Variants in CYRIA observed in about 807,000 individuals in gnomAD.
CYRIA encodes CYFIP related Rac1 interactor A.
CYRIA carries 15 observed loss-of-function variants against 43.9 expected under a neutral mutation model. That is an observed-to-expected ratio of 0.34 (90% confidence interval 0.23 to 0.53). The LOEUF (loss-of-function observed/expected upper bound fraction) is 0.53. Among genes scored for constraint, CYRIA ranks in the 20% least tolerant of loss-of-function variants. CYRIA has a pLI of 0.94. For synonymous variants in CYRIA, 117 were observed against 136.0 expected (o/e 0.86, Z 0.97); for missense variants, 236 against 394.2 (o/e 0.60, Z 3.40).
chr2:16,582,474 CCCCAAAAAGACGTTGTG>C (rs1667584219), intron 3 of CYRIA, among the ~76,000 whole-genome samples: 1 of 152,098 alleles, frequency 6.6e-6, no homozygotes, highest in African/African-American at 2.4e-5. Flanking sequence ...TTCATTAACA[CCCCAAAAAGACGTTGTG>C]CCCATTAGCA....
At chr2:16,575,793 T>G (rs1413068774) in intron 3 of CYRIA, among the ~76,000 whole-genome samples, 4 of 151,630 alleles carry the variant, frequency 2.6e-5, no homozygotes, top group African/African-American at 9.7e-5. Flanking sequence ...GAGGCGGAGC[T>G]TGCAGTGAGC....
rs1423342099 is a variant in CYRIA at position 16,563,282 on chromosome 2, A to G, written c.298+707T>C. On this transcript the variant is annotated intron_variant, in intron 5 of 11. Coordinates refer to ENST00000381323, the MANE Select transcript of CYRIA (RefSeq NM_030797.4). ...GAAAACGGGTTTGGTTCATTCAAGT[A>G]CTTCCCTTCGTCTCAGCTTCTAGTC... Among the ~76,000 whole-genome samples the G allele has an allele frequency of 2.0e-5, 3 of 152,074 alleles. No individual in the cohort carries two copies. The East Asian group carries it at 5.8e-4, about 29-fold the overall frequency.
In CYRIA at chr2:16,550,812, G is replaced by C. The variant is rs1307041388; in HGVS notation, c.*2124C>G. On this transcript the variant is annotated 3_prime_UTR_variant, in exon 12 of 12. Coordinates refer to ENST00000381323, the MANE Select transcript of CYRIA (RefSeq NM_030797.4). ...TAAGCCTTAATCTCCTCACTTGATA[G>C]AGGGGGAGAAATTGACCCAATGATG... 1 of 152,124 alleles carries C rather than the reference G, an allele frequency of 6.6e-6. No homozygotes were observed. The highest frequency in any genetic ancestry group is 1.5e-5 in the Non-Finnish European group (1 of 68,010). 9.4% of individuals were successfully genotyped at this position (152,124 alleles called of 1,614,324 possible).
At chr2:16,577,215 G>T (rs1667383839) in intron 3 of CYRIA, among the ~76,000 whole-genome samples, 1 of 151,980 alleles carries the variant, frequency 6.6e-6, no homozygotes, top group Non-Finnish European at 1.5e-5. Flanking sequence ...AATATATTTT[G>T]TGAATTCATT....
chr2:16,627,684 A>G (rs1055259449), intron 1 of CYRIA, among the ~76,000 whole-genome samples: 1 of 152,224 alleles, frequency 6.6e-6, no homozygotes, highest in Non-Finnish European at 1.5e-5. Context: ...AAGCAAATAC[A>G]CTAGGAACAG....
At chr2:16,601,144 A>G (rs1668191462) in intron 2 of CYRIA, among the ~76,000 whole-genome samples, 1 of 152,184 alleles carries the variant, frequency 6.6e-6, no homozygotes, top group Admixed American at 6.5e-5. Flanking sequence ...GTGCTACTCA[A>G]TAGCATGTAC....
intron 2 of CYRIA, among the ~76,000 whole-genome samples, chr2:16,610,924 A>ATATATATATATATATC: frequency 1.1e-5 from 1 of 90,524 alleles, no homozygotes; most frequent in African/African-American, 5.3e-5. Flanking sequence ...ATATATATAT[A>ATATATATATATATATC]TATATATATA....
chr2:16,565,636 A>G lies in CYRIA; in HGVS notation c.192+10T>C. On this transcript the variant is annotated intron_variant, in intron 4 of 11. Transcript: ENST00000381323. ...CGGGTGTTGTCAGTTCAGCGTGATC[A>G]TTGACATACATCTCGGATCTCTGGG... 1.3e-6 allele frequency: 2 copies of G among 1,551,976 alleles called. No homozygotes were observed. Among genetic ancestry groups the G allele is most frequent in the East Asian group, 2.3e-5 (1 of 43,438 alleles).
At chr2:16,644,448 T>G (rs1353113733) in intron 1 of CYRIA, among the ~76,000 whole-genome samples, 5 of 152,162 alleles carry the variant, frequency 3.3e-5, no homozygotes, top group South Asian at 4.1e-4. Context: ...CAGCCTCAGG[T>G]GACCATTTCT....
chr2:16,619,070 C>T (rs1195123153), intron 2 of CYRIA, among the ~76,000 whole-genome samples: 1 of 152,166 alleles, frequency 6.6e-6, no homozygotes, highest in East Asian at 1.9e-4. Flanking sequence ...GCTTCAGTCT[C>T]ATCTTCTGTA....
intron 2 of CYRIA, among the ~76,000 whole-genome samples, chr2:16,613,115 G>A (rs1668662025): frequency 6.6e-6 from 1 of 152,096 alleles, no homozygotes; most frequent in Admixed American, 6.5e-5. Context: ...CCCAGTCTTG[G>A]GTATGTCTTT....
chr2:16,657,224 G>A (rs1288255521), intron 1 of CYRIA, among the ~76,000 whole-genome samples: 1 of 152,174 alleles, frequency 6.6e-6, no homozygotes, highest in East Asian at 1.9e-4. Context: ...GAACCAAAAT[G>A]TTCTCACGCT....
At chr2:16,573,137 A>G (rs1558407776) in intron 3 of CYRIA, among the ~76,000 whole-genome samples, 1 of 152,222 alleles carries the variant, frequency 6.6e-6, no homozygotes, top group Non-Finnish European at 1.5e-5. Flanking sequence ...GTGACTGTCA[A>G]TCAAAGCCAG....
chr2:16,556,648 A>G (rs895823996), intron 10 of CYRIA, among the ~76,000 whole-genome samples: 2 of 152,146 alleles, frequency 1.3e-5, no homozygotes, highest in Non-Finnish European at 2.9e-5. Flanking sequence ...TGTGGAAAAC[A>G]TCCTTGATAG....
chr2:16,636,721 G>A (rs1669507695), intron 1 of CYRIA, among the ~76,000 whole-genome samples: 2 of 152,002 alleles, frequency 1.3e-5, no homozygotes, highest in Admixed American at 1.3e-4. Flanking sequence ...GTTGGAAGTA[G>A]GACAACTTCA....
intron 3 of CYRIA, 140 bp from the exon 4 acceptor site, chr2:16,565,907 G>C: frequency 1.4e-6 from 1 of 723,838 alleles, no homozygotes; most frequent in Non-Finnish European, 1.9e-6. Flanking sequence ...CTAATAAGCT[G>C]CTAGGATGCT....
intron 2 of CYRIA, among the ~76,000 whole-genome samples, chr2:16,616,178 A>G (rs1028462705): frequency 1.3e-5 from 2 of 151,404 alleles, no homozygotes; most frequent in South Asian, 2.1e-4. Context: ...CACGGTGGGA[A>G]CCCGCCACTT....
At chr2:16,642,490 C>T (rs922684731) in intron 1 of CYRIA, among the ~76,000 whole-genome samples, 4 of 152,206 alleles carry the variant, frequency 2.6e-5, no homozygotes, top group African/African-American at 4.8e-5. Flanking sequence ...CAAGAACACG[C>T]TGCCGCCAGG....
At chr2:16,637,842 T>C (rs1049988100) in intron 1 of CYRIA, among the ~76,000 whole-genome samples, 1 of 152,126 alleles carries the variant, frequency 6.6e-6, no homozygotes, top group Non-Finnish European at 1.5e-5. Context: ...AGGTCCAGAG[T>C]GCTCAGGTGA....
Sources: gnomAD v4.1 joint callset for allele counts (sites outside exome capture counted in the v4.1 genomes callset) on GRCh38, gnomAD v4.1.1 for gene constraint, MANE v1.5 for transcripts, NCBI Gene and HGNC (gene_info 2026-07-23, HGNC 2026-07-21) for gene names.